Variants in IP6K1 observed in about 807,000 individuals in gnomAD.
IP6K1 encodes ATP:1D-myo-inositol-hexakisphosphate phosphotransferase.
A neutral mutation model predicts 38.3 loss-of-function variants in IP6K1; 13 were observed. That is an observed-to-expected ratio of 0.34 (90% confidence interval 0.22 to 0.54). The LOEUF (loss-of-function observed/expected upper bound fraction) is 0.54. IP6K1 is among the 20% of genes least tolerant of loss of function. The probability of loss-of-function intolerance (pLI) is 0.92; values close to 1 mark genes in which losing one functional copy is unlikely to be tolerated. For synonymous variants in IP6K1, 212 were observed against 229.9 expected (o/e 0.92, Z 0.70); for missense variants, 397 against 599.8 (o/e 0.66, Z 3.53).
At chr3:49,755,652 T>C (rs1177183547) in intron 1 of IP6K1, among the ~76,000 whole-genome samples, 1 of 152,158 alleles carries the variant, frequency 6.6e-6, no homozygotes, top group Non-Finnish European at 1.5e-5. Flanking sequence ...CACATAAAAC[T>C]TGGGCTATAC....
intron 1 of IP6K1, among the ~76,000 whole-genome samples, chr3:49,771,540 CACT>C (rs1339222513): frequency 1.3e-5 from 2 of 152,160 alleles, no homozygotes; most frequent in African/African-American, 4.8e-5. Context: ...ATTAAAAACA[CACT>C]ACAACACACT....
At chr3:49,784,562 T>C (rs2081094392) in intron 1 of IP6K1, among the ~76,000 whole-genome samples, 1 of 151,490 alleles carries the variant, frequency 6.6e-6, no homozygotes, top group African/African-American at 2.4e-5. Context: ...GGAGACTTGC[T>C]TGAACCCAGG....
rs2080754494 is a variant in IP6K1, at chr3:49,749,648, G to A, written c.-128-1480C>T. 2.6e-5 allele frequency among the ~76,000 whole-genome samples: 4 copies of A among 152,022 alleles called. No individual in the cohort carries two copies. In the South Asian group the frequency reaches 8.3e-4, roughly 31 times the overall value. ...ATGGCACTACTGCACTCCAGCCTGG[G>A]TGACAGAGCAAGACCCTGTCTCAAA... On this transcript the variant is annotated intron_variant, in intron 1 of 5. Coordinates refer to ENST00000321599, the MANE Select transcript of IP6K1 (RefSeq NM_153273.4).
chr3:49,759,370 A>G lies in IP6K1; in HGVS notation c.-128-11202T>C, dbSNP rs545234193. 6.8e-4 allele frequency among the ~76,000 whole-genome samples: 103 copies of G among 152,292 alleles called. 1 individual carries two copies. The highest frequency in any genetic ancestry group is 1.3e-3 in the Non-Finnish European group (91 of 68,024). On this transcript the variant is annotated intron_variant, in intron 1 of 5. Coordinates refer to ENST00000321599, the MANE Select transcript of IP6K1 (RefSeq NM_153273.4). ...ACGTCCACCACAAAATACAACTCCAATGAGTTTTATTCTTTTGAGATAATG... is the reference window on the plus strand; with the variant it reads ...ACGTCCACCACAAAATACAACTCCAGTGAGTTTTATTCTTTTGAGATAATG...
intron 2 of IP6K1, among the ~76,000 whole-genome samples, chr3:49,741,753 G>A (rs1275192271): frequency 2.0e-5 from 3 of 152,174 alleles, no homozygotes; most frequent in African/African-American, 4.8e-5. Context: ...TATAGGCCCT[G>A]TCAGCTCATG....
Position 49,731,887 on chromosome 3 carries a change from C to CAAAAAAAAAGAAAAAAAAAAA in IP6K1, c.616+903_616+904insTTTTTTTTTTTCTTTTTTTTT, listed in dbSNP as rs2080565153. 4.6e-5 allele frequency among the ~76,000 whole-genome samples: 3 copies of CAAAAAAAAAGAAAAAAAAAAA among 65,342 alleles called. 1 individual carries two copies. Among genetic ancestry groups the CAAAAAAAAAGAAAAAAAAAAA allele is most frequent in the Non-Finnish European group, 8.8e-5 (3 of 33,928 alleles). The allele number at this position is 65,342 out of a possible 152,430, so 42.9% of individuals were successfully genotyped here. A position where few individuals can be genotyped will look rare whatever the true frequency, so the allele number is the denominator to read the frequency against. ...TGGGTAACAGAGTGAGACTCTGTCT[C>CAAAAAAAAAGAAAAAAAAAAA]AAAAAAAAAAAAAAAAAAGGAATTC... On this transcript the variant is annotated intron_variant, in intron 4 of 5. Transcript: ENST00000321599.
At chr3:49,777,935 A>G (rs952325963) in intron 1 of IP6K1, among the ~76,000 whole-genome samples, 15 of 151,966 alleles carry the variant, frequency 9.9e-5, no homozygotes, top group Non-Finnish European at 1.5e-4. Flanking sequence ...CAAAAAAAAC[A>G]ATGATAAAGC....
At chr3:49,740,379 T>C (rs2080656276) in intron 2 of IP6K1, among the ~76,000 whole-genome samples, 1 of 152,084 alleles carries the variant, frequency 6.6e-6, no homozygotes, top group Non-Finnish European at 1.5e-5. Context: ...CATTTAATCA[T>C]TTTTAAAGGT....
Position 49,780,083 on chromosome 3 carries a change from C to T in IP6K1, c.-129+6271G>A, listed in dbSNP as rs187543081. On this transcript the variant is annotated intron_variant, in intron 1 of 5. Coordinates refer to ENST00000321599, the MANE Select transcript of IP6K1 (RefSeq NM_153273.4). The stretch of plus-strand genomic sequence containing the variant: ...TCCAGTCCTAGACCTGCTCCCCTAC[C>T]CTGCCCTCCTTTTATATAATGAGAC... Among the ~76,000 whole-genome samples the T allele has an allele frequency of 2.4e-3, 368 of 152,084 alleles. 1 individual carries two copies. Among genetic ancestry groups the T allele is most frequent in the Middle Eastern group, 6.8e-3 (2 of 294 alleles).
intron 2 of IP6K1, among the ~76,000 whole-genome samples, chr3:49,740,946 C>T (rs1264662895): frequency 1.3e-5 from 2 of 151,700 alleles, no homozygotes; most frequent in African/African-American, 2.4e-5. Context: ...CTCCGCCTCC[C>T]GAGGTGATTC....
chr3:49,734,394 C>CTTTTT (rs71735078), intron 3 of IP6K1, among the ~76,000 whole-genome samples: 4 of 87,284 alleles, frequency 4.6e-5, no homozygotes, highest in African/African-American at 8.4e-5. Context: ...ACCGTAATTT[C>CTTTTT]TTTTTTTTTT....
chr3:49,776,799 A>G (rs1199480289), intron 1 of IP6K1, among the ~76,000 whole-genome samples: 1 of 152,222 alleles, frequency 6.6e-6, no homozygotes, highest in Non-Finnish European at 1.5e-5. Context: ...CTGTATATTA[A>G]TATGATTCCA....
At chr3:49,762,505 G>A (rs117303974) in intron 1 of IP6K1, among the ~76,000 whole-genome samples, 121 of 152,176 alleles carry the variant, frequency 8.0e-4, no homozygotes, top group East Asian at 5.0e-3. Context: ...AGCCAGGATC[G>A]TGCCACTGCA....
rs1376185223 is a variant in IP6K1, at chr3:49,766,739, G to A, written c.-128-18571C>T. ...TCCCAGCACTTTGGGAGGCTGAGGC[G>A]AGCAGATCACTAGGTCAGGAGTTTG... On this transcript the variant is annotated intron_variant, in intron 1 of 5. Coordinates refer to ENST00000321599, the MANE Select transcript of IP6K1 (RefSeq NM_153273.4). 2.6e-5 allele frequency among the ~76,000 whole-genome samples: 4 copies of A among 150,980 alleles called. No individual in the cohort carries two copies. In the East Asian group the frequency reaches 7.8e-4, roughly 29 times the overall value.
chr3:49,757,902 G>C (rs982045623), intron 1 of IP6K1, among the ~76,000 whole-genome samples: 7 of 152,026 alleles, frequency 4.6e-5, no homozygotes, highest in Non-Finnish European at 1.0e-4. Flanking sequence ...ATTAAAAAAG[G>C]GAAAACATGG....
intron 2 of IP6K1, among the ~76,000 whole-genome samples, chr3:49,744,865 TA>T (rs2080707311): frequency 6.6e-6 from 1 of 152,214 alleles, no homozygotes; most frequent in African/African-American, 2.4e-5. Context: ...TAAGCTCAAT[TA>T]AGCTAAGAAA....
intron 1 of IP6K1, among the ~76,000 whole-genome samples, chr3:49,778,222 G>A (rs144840288): frequency 0.012 from 1,757 of 152,070 alleles, 38 homozygotes; most frequent in African/African-American, 0.039. Flanking sequence ...CTACTTGGGA[G>A]GCTGAGGCAG....
At chr3:49,753,310 ACTC>A (rs1383392056) in intron 1 of IP6K1, among the ~76,000 whole-genome samples, 1 of 150,236 alleles carries the variant, frequency 6.7e-6, no homozygotes. Flanking sequence ...CACATGGCCA[ACTC>A]CCTCACCTCC....
intron 1 of IP6K1, among the ~76,000 whole-genome samples, chr3:49,764,111 G>A (rs987606019): frequency 3.3e-5 from 5 of 152,068 alleles, no homozygotes; most frequent in South Asian, 2.1e-4. Flanking sequence ...TACTGGGTGC[G>A]GTGGCTCATG....
Sources: gnomAD v4.1 joint callset for allele counts (sites outside exome capture counted in the v4.1 genomes callset) on GRCh38, gnomAD v4.1.1 for gene constraint, MANE v1.5 for transcripts, NCBI Gene and HGNC (gene_info 2026-07-23, HGNC 2026-07-21) for gene names.